The following KCNH5 variants were observed in gnomAD, a reference collection of about 807,000 sequenced individuals.
The protein encoded by KCNH5 is voltage-gated delayed rectifier potassium channel KCNH5.
KCNH5 carries 46 observed loss-of-function variants against 96.1 expected under a neutral mutation model. The observed-to-expected ratio is 0.48, with a 90% CI of 0.38 to 0.61. The LOEUF (loss-of-function observed/expected upper bound fraction) is 0.61, where lower values mean the gene tolerates loss of function less well. Among genes scored for constraint, KCNH5 ranks in the 20% least tolerant of loss-of-function variants. The pLI is 0.00. For synonymous variants in KCNH5, 439 were observed against 449.8 expected (o/e 0.98, Z 0.30); for missense variants, 907 against 1,225.8 (o/e 0.74, Z 3.88).
intron 1 of KCNH5, among the ~76,000 whole-genome samples, chr14:63,036,195 AT>A (rs1274621813): frequency 6.6e-6 from 1 of 152,180 alleles, no homozygotes; most frequent in Admixed American, 6.5e-5. Flanking sequence ...AGGTCAGTTA[AT>A]GAGGCAGCTC....
At chr14:62,880,706 G>A (rs1307333116) in intron 7 of KCNH5, among the ~76,000 whole-genome samples, 1 of 152,184 alleles carries the variant, frequency 6.6e-6, no homozygotes, top group Non-Finnish European at 1.5e-5. Context: ...AGAGAGGACT[G>A]TGAATAATTT....
At chr14:62,921,728 G>T (rs1384092555) in intron 7 of KCNH5, among the ~76,000 whole-genome samples, 1 of 152,104 alleles carries the variant, frequency 6.6e-6, no homozygotes, top group Non-Finnish European at 1.5e-5. Context: ...TGAAAGACTT[G>T]AATGAGTCAC....
At chr14:62,776,421 G>A (rs1021856546) in intron 10 of KCNH5, among the ~76,000 whole-genome samples, 20 of 152,106 alleles carry the variant, frequency 1.3e-4, no homozygotes, top group African/African-American at 4.3e-4. Flanking sequence ...TTGCAAGCCA[G>A]GAAAAGAACC....
chr14:62,881,232 A>T (rs1395500424), intron 7 of KCNH5, among the ~76,000 whole-genome samples: 1 of 152,236 alleles, frequency 6.6e-6, no homozygotes, highest in Admixed American at 6.5e-5. Flanking sequence ...AATAAGCAAT[A>T]TTGAAGTACA....
intron 8 of KCNH5, among the ~76,000 whole-genome samples, chr14:62,840,197 T>C (rs1341517458): frequency 1.3e-5 from 2 of 152,322 alleles, no homozygotes; most frequent in African/African-American, 4.8e-5. Context: ...TCTCCCATTA[T>C]ATAGATCTTT....
At chr14:62,844,096 C>T (rs1346280928) in intron 8 of KCNH5, among the ~76,000 whole-genome samples, 3 of 152,144 alleles carry the variant, frequency 2.0e-5, no homozygotes, top group South Asian at 4.1e-4. Flanking sequence ...CATACTCCTA[C>T]CTGATTTTTT....
chr14:62,704,916 C>A lies in KCNH5; in HGVS notation c.*2592G>T, dbSNP rs1324727186. ...GCTAAGATTTGTGGAATCTGGGAAC[C>A]TAAAAGACTACTCTATATACAATGT... is the stretch of plus-strand genomic sequence containing the variant. On this transcript the variant is annotated 3_prime_UTR_variant, in exon 11 of 11. Coordinates refer to ENST00000322893, the MANE Select transcript of KCNH5 (RefSeq NM_139318.5). 1 of 151,870 alleles carries A rather than the reference C, an allele frequency of 6.6e-6. No individual in the cohort carries two copies. The highest frequency in any genetic ancestry group is 1.5e-5 in the Non-Finnish European group (1 of 67,804). The allele number at this position is 151,870 out of a possible 1,614,324, so 9.4% of individuals were successfully genotyped here.
Position 62,718,819 on chromosome 14 carries a change from T to C in KCNH5, c.2020-10364A>G, listed in dbSNP as rs139507193. 1.1e-4 allele frequency among the ~76,000 whole-genome samples: 17 copies of C among 152,306 alleles called. No individual in the cohort carries two copies. The East Asian group carries it at 2.5e-3, about 22-fold the overall frequency. ...TAGAAACAACCCACATATTCATTAA[T>C]TGATGAATTGACAAAAATGTAGTGT... On this transcript the variant is annotated intron_variant, in intron 10 of 10. Coordinates refer to ENST00000322893, the MANE Select transcript of KCNH5 (RefSeq NM_139318.5).
chr14:63,017,054 C>G, intron 1 of KCNH5, 100 bp from the exon 2 acceptor site: 1 of 1,142,500 alleles, frequency 8.8e-7, no homozygotes, highest in Non-Finnish European at 1.2e-6. Flanking sequence ...TGGACACATA[C>G]AACTATGGTT....
chr14:62,964,117 G>A (rs1427354552), intron 6 of KCNH5, among the ~76,000 whole-genome samples: 2 of 151,924 alleles, frequency 1.3e-5, no homozygotes, highest in Non-Finnish European at 2.9e-5. Flanking sequence ...CTATACTTTG[G>A]CTCAGCTCCT....
intron 1 of KCNH5, among the ~76,000 whole-genome samples, chr14:63,037,426 T>G (rs897060057): frequency 1.3e-5 from 2 of 152,156 alleles, no homozygotes; most frequent in Non-Finnish European, 2.9e-5. Context: ...GTTGCATTAA[T>G]GGATAATTAA....
intron 9 of KCNH5, among the ~76,000 whole-genome samples, chr14:62,784,967 T>TTAACAAA (rs1566659683): frequency 1.3e-5 from 2 of 152,158 alleles, no homozygotes; most frequent in African/African-American, 2.4e-5. Context: ...TAGAAAAGCA[T>TTAACAAA]AGCAAAATTA....
intron 1 of KCNH5, among the ~76,000 whole-genome samples, chr14:63,027,387 T>C (rs1356241104): frequency 6.6e-6 from 1 of 151,786 alleles, no homozygotes; most frequent in Non-Finnish European, 1.5e-5. Context: ...AATGAATATA[T>C]GAAATAGCTT....
intron 7 of KCNH5, among the ~76,000 whole-genome samples, chr14:62,870,282 A>T (rs1888227050): frequency 1.3e-5 from 2 of 151,986 alleles, no homozygotes; most frequent in Non-Finnish European, 2.9e-5. Flanking sequence ...AGTGATGGTA[A>T]TTTTTTTTGA....
Position 63,012,757 on chromosome 14 carries a change from CAAAG to C in KCNH5, c.197+4070_197+4073del, listed in dbSNP as rs376332633. On this transcript the variant is annotated intron_variant, in intron 2 of 10. Coordinates refer to ENST00000322893, the MANE Select transcript of KCNH5 (RefSeq NM_139318.5). ...ATGAATAGATCATCATACGGTGACA[CAAAG>C]AAGTCTAAAAACATAATGGTGAATG... 4.3e-4 allele frequency among the ~76,000 whole-genome samples: 66 copies of C among 151,766 alleles called. 5 individuals are homozygous for C. In the South Asian group the frequency reaches 5.2e-3, roughly 12 times the overall value.
rs148987456 is a variant in KCNH5 at position 62,909,006 on chromosome 14, C to T, written c.1369+41127G>A. Reference sequence around the variant, plus strand: ...AAACTAACTGTAGCCAAGCTGCTCTCAAACATAGAAAACACTATGCTACGT... The same window carrying T: ...AAACTAACTGTAGCCAAGCTGCTCTTAAACATAGAAAACACTATGCTACGT... On this transcript the variant is annotated intron_variant, in intron 7 of 10. Coordinates refer to ENST00000322893, the MANE Select transcript of KCNH5 (RefSeq NM_139318.5). Among the ~76,000 whole-genome samples the T allele has an allele frequency of 3.6e-3, 507 of 142,382 alleles. 3 individuals are homozygous for T. The highest frequency in any genetic ancestry group is 0.012 in the African/African-American group (459 of 39,072). 93.4% of individuals were successfully genotyped at this position (142,382 alleles called of 152,430 possible).
At chr14:62,969,934 C>T (rs915125565) in intron 6 of KCNH5, among the ~76,000 whole-genome samples, 1 of 145,824 alleles carries the variant, frequency 6.9e-6, no homozygotes, top group Non-Finnish European at 1.5e-5. Flanking sequence ...TGGTGGCATG[C>T]GCCTGTAGCA....
At chr14:62,850,402 G>C (rs1354435149) in intron 7 of KCNH5, among the ~76,000 whole-genome samples, 1 of 152,152 alleles carries the variant, frequency 6.6e-6, no homozygotes, top group Non-Finnish European at 1.5e-5. Context: ...TGTTTAGAAG[G>C]TTCTGAAGAT....
rs1181973143 is a variant in KCNH5 at position 62,744,107 on chromosome 14, G to A, written c.2019+35621C>T. On this transcript the variant is annotated intron_variant, in intron 10 of 10. Transcript: ENST00000322893. ...TTAACTTCAGATTTGTATGACTACT[G>A]ATATTTTAAAAATACCTTTGCTATC... Among the ~76,000 whole-genome samples, 3 of 152,222 alleles carry A rather than the reference G, an allele frequency of 2.0e-5. No homozygotes were observed. In the East Asian group the frequency reaches 5.8e-4, roughly 29 times the overall value.
Sources: allele counts gnomAD v4.1 joint callset (sites outside exome capture counted in the v4.1 genomes callset), GRCh38; gene constraint gnomAD v4.1.1; transcripts MANE v1.5; gene names NCBI Gene and HGNC (gene_info 2026-07-23, HGNC 2026-07-21).